IZUMO1: variants seen among roughly 807,000 people sequenced by gnomAD.
IZUMO1 encodes the protein izumo sperm-egg fusion protein 1.
Under a neutral mutation model 40.7 loss-of-function variants are expected in IZUMO1, and 44 were observed. The ratio of observed to expected loss-of-function variants is 1.08; its 90% confidence interval spans 0.85 to 1.39. The LOEUF (loss-of-function observed/expected upper bound fraction) is 1.39, where lower values mean the gene tolerates loss of function less well. Ranked by LOEUF, IZUMO1 falls within the 40% of genes most tolerant of loss-of-function variation. The probability of loss-of-function intolerance (pLI) is 0.00; values close to 1 mark genes in which losing one functional copy is unlikely to be tolerated. For missense variants in IZUMO1, 368 were observed against 436.9 expected, an observed-to-expected ratio of 0.84 and a Z score of 1.41; for synonymous variants, 149 against 170.9, an observed-to-expected ratio of 0.87 and a Z score of 1.00.
Position 48,742,102 on chromosome 19 carries a change from T to C in IZUMO1, c.600+107A>G, listed in dbSNP as rs2033720179. On this transcript the variant is annotated intron_variant, in intron 7 of 9. Coordinates refer to ENST00000332955, the MANE Select transcript of IZUMO1 (RefSeq NM_182575.3). ...AGAGGTCTGTAGAGACCACACCTAA[T>C]AGACCACCCTCCTGGGTCATGAGAA... 6.1e-6 allele frequency: 9 copies of C among 1,473,792 alleles called. No homozygotes were observed. The South Asian group carries it at 8.5e-5, about 14-fold the overall frequency. 91.3% of individuals were successfully genotyped at this position (1,473,792 alleles called of 1,614,324 possible).
In IZUMO1 at chr19:48,741,167, G is replaced by T; in HGVS notation, c.932+134C>A. 1 of 1,446,830 alleles carries T rather than the reference G, an allele frequency of 6.9e-7. No individual in the cohort carries two copies. Among genetic ancestry groups the T allele is most frequent in the Non-Finnish European group, 9.3e-7 (1 of 1,072,368 alleles). The allele number at this position is 1,446,830 out of a possible 1,614,324, so 89.6% of individuals were successfully genotyped here. A position where few individuals can be genotyped will look rare whatever the true frequency, so the allele number is the denominator to read the frequency against. On this transcript the variant is annotated intron_variant, in intron 9 of 9. Transcript: ENST00000332955. The surrounding 1 kb of genome is among the most constrained non-coding windows in gnomAD (Gnocchi z 4.4). Reference sequence around the variant, plus strand: ...CGCCCTTCGAAGTCCTCCTATTCAAGCCCCCCGCACTCCATCCCCAGGAAA... The same window carrying T: ...CGCCCTTCGAAGTCCTCCTATTCAATCCCCCCGCACTCCATCCCCAGGAAA...
At chr19:48,746,213 G>T (rs906113119) in intron 1 of IZUMO1, 1 of 1,083,790 alleles carries the variant, frequency 9.2e-7, no homozygotes, top group Non-Finnish European at 1.1e-6. Flanking sequence ...AACCCCATGC[G>T]CCCCTTCCCA....
Position 48,741,764 on chromosome 19 carries a change from C to A in IZUMO1, c.754+25G>T, listed in dbSNP as rs1192378961. ...GCTTTCCTGGGCCCTGAATCCTACA[C>A]TTCTCTCAGCCCCACAGCACTGACC... On this transcript the variant is annotated intron_variant, in intron 8 of 9. Transcript: ENST00000332955. This position sits in a 1 kb window ranked among gnomAD's most constrained non-coding sequence, Gnocchi z 4.4. 6.5e-7 allele frequency: 1 copy of A among 1,534,448 alleles called. No individual in the cohort carries two copies. The highest frequency in any genetic ancestry group is 1.3e-5 in the South Asian group (1 of 79,828).
At chr19:48,744,364 C>A (rs2033814276) in intron 4 of IZUMO1, 89 bp downstream of exon 4, 1 of 1,261,894 alleles carries the variant, frequency 7.9e-7, no homozygotes, top group Non-Finnish European at 1.2e-6. Context: ...AGCTGAGGAA[C>A]TGGGCTTGGA....
rs1306394358 is a variant in IZUMO1, at chr19:48,741,949, C to A, written c.601-7G>T. 17 of 1,589,370 alleles carry A rather than the reference C, an allele frequency of 1.1e-5. No individual in the cohort carries two copies. Among genetic ancestry groups the A allele is most frequent in the Non-Finnish European group, 1.4e-5 (16 of 1,164,852 alleles). ...CCGTATTGTTCCCCCAAACCTAGAC[C>A]CAAGCTCAAGGGGTCACTGAGGCCT... On this transcript the variant is annotated splice_region_variant and splice_polypyrimidine_tract_variant and intron_variant, in intron 7 of 9. Coordinates refer to ENST00000332955, the MANE Select transcript of IZUMO1 (RefSeq NM_182575.3). This position sits in a 1 kb window ranked among gnomAD's most constrained non-coding sequence, Gnocchi z 4.4.
At position 48,741,805 on chromosome 19, in the gene IZUMO1, G is replaced by C. The variant is rs1275468688; in HGVS notation, c.738C>G (p.Ile246Met). 19 of 1,591,500 alleles carry C rather than the reference G, an allele frequency of 1.2e-5. No individual in the cohort carries two copies. Among genetic ancestry groups the C allele is most frequent in the Non-Finnish European group, 1.5e-5 (18 of 1,164,476 alleles). ...AGCACTGACCTGTGACGTGAAAATT[G>C]ATGATCGTGGCTGGGCTGGAATTCA... The part of the protein sequence containing the change: ...GSVNSSPATI[I>M]NFHVTVLPKM... The change falls in exon 8 of 10, where the codon ATC (isoleucine) becomes ATG (methionine). Residue 246 changes from isoleucine (I) to methionine (M), a missense_variant. Physicochemically the swap from Ile to Met is conservative, Grantham distance 10. Transcript: ENST00000332955. The surrounding 1 kb of genome is among the most constrained non-coding windows in gnomAD (Gnocchi z 4.4).
intron 6 of IZUMO1, 73 bp from the exon 7 acceptor site, chr19:48,742,382 C>G (rs967684205): frequency 1.9e-6 from 2 of 1,055,186 alleles, no homozygotes; most frequent in African/African-American, 3.1e-5. Flanking sequence ...GAGACTCGCT[C>G]TGTCGCCCAG....
At chr19:48,742,400 T>C in intron 6 of IZUMO1, 91 bp from the exon 7 acceptor site, 2 of 888,298 alleles carry the variant, frequency 2.3e-6, no homozygotes, top group Non-Finnish European at 3.7e-6. Context: ...CAGGCTGGAA[T>C]GCATTGGCGC....
chr19:48,742,373 A>G (rs1599756944), intron 6 of IZUMO1, 64 bp from the exon 7 acceptor site: 1 of 1,140,948 alleles, frequency 8.8e-7, no homozygotes, highest in East Asian at 2.4e-5. Flanking sequence ...TTTGAGATGG[A>G]GACTCGCTCT....
At position 48,741,762 on chromosome 19, in the gene IZUMO1, C is replaced by T; in HGVS notation, c.754+27G>A. On this transcript the variant is annotated intron_variant, in intron 8 of 9. Transcript: ENST00000332955. This position sits in a 1 kb window ranked among gnomAD's most constrained non-coding sequence, Gnocchi z 4.4. ...CAGCTTTCCTGGGCCCTGAATCCTA[C>T]ACTTCTCTCAGCCCCACAGCACTGA... 9 of 1,533,078 alleles carry T rather than the reference C, an allele frequency of 5.9e-6. No homozygotes were observed. The highest frequency in any genetic ancestry group is 7.9e-6 in the Non-Finnish European group (9 of 1,136,152). 95.0% of individuals were successfully genotyped at this position (1,533,078 alleles called of 1,614,324 possible).
chr19:48,742,617 C>T (rs954367358), intron 6 of IZUMO1, among the ~76,000 whole-genome samples: 3 of 151,534 alleles, frequency 2.0e-5, no homozygotes, highest in Non-Finnish European at 2.9e-5. Context: ...CAAAGTGCTG[C>T]GATTACAGGC....
Position 48,742,267 on chromosome 19 carries a change from T to C in IZUMO1, c.542A>G (p.Asp181Gly). 6.2e-7 allele frequency: 1 copy of C among 1,614,184 alleles called. No individual in the cohort carries two copies. The highest frequency in any genetic ancestry group is 8.5e-7 in the Non-Finnish European group (1 of 1,180,004). The change falls in exon 7 of 10, where the codon GAC becomes GGC. Residue 181 changes from aspartate (D) to glycine (G), a missense_variant. Physicochemically the swap from Asp to Gly is moderately conservative, Grantham distance 94. Coordinates refer to ENST00000332955, the MANE Select transcript of IZUMO1 (RefSeq NM_182575.3). ...EVPQMEDMIL[D>G]CELNWHQASE... is the part of the protein sequence containing the mutation. The stretch of plus-strand genomic sequence containing the variant: ...AGCCTGATGCCAGTTTAACTCACAG[T>C]CCAGGATCATGTCTTCCATTTGAGG...
chr19:48,746,778 G>GGGGACGATTGT lies in IZUMO1; in HGVS notation c.-418_-417insACAATCGTCCC. ...AGGATTGTGTTGGGGACGAGGGTAA[G>GGGGACGATTGT]GTTGGTTGCGTGAAATCGAGAGCTT... On this transcript the variant is annotated 5_prime_UTR_variant, in exon 1 of 10. Transcript: ENST00000332955. 1 of 985,450 alleles carries GGGGACGATTGT rather than the reference G, an allele frequency of 1.0e-6. No individual in the cohort carries two copies. The highest frequency in any genetic ancestry group is 1.1e-4 in the East Asian group (1 of 8,868). 61.0% of individuals were successfully genotyped at this position (985,450 alleles called of 1,614,324 possible). A position where few individuals can be genotyped will look rare whatever the true frequency, so the allele number is the denominator to read the frequency against.
rs772755461 is a variant in IZUMO1, at chr19:48,741,896, G to A, written c.647C>T (p.Ala216Val). 34 of 1,611,786 alleles carry A rather than the reference G, an allele frequency of 2.1e-5. No individual in the cohort carries two copies. The highest frequency in any genetic ancestry group is 2.9e-5 in the Non-Finnish European group (34 of 1,178,228). ...ACCCACCATGGGCTTGGTCAGGGTG[G>A]CCTCTTTCCCCTTGGACACCAAGGT... is the stretch of plus-strand genomic sequence containing the variant. ...TETLVSKGKE[A>V]TLTKPMVGPE... The change falls in exon 8 of 10, where the codon GCC becomes GTC. Residue 216 changes from alanine (A) to valine (V), a missense_variant. Ala to Val is a moderately conservative substitution (Grantham distance 64). Coordinates refer to ENST00000332955, the MANE Select transcript of IZUMO1 (RefSeq NM_182575.3). This position sits in a 1 kb window ranked among gnomAD's most constrained non-coding sequence, Gnocchi z 4.4.
chr19:48,741,150 G>A lies in IZUMO1; in HGVS notation c.933-122C>T, dbSNP rs1444481855. The A allele has an allele frequency of 6.7e-7, 1 of 1,493,806 alleles. No individual in the cohort carries two copies. Among genetic ancestry groups the A allele is most frequent in the Non-Finnish European group, 9.1e-7 (1 of 1,102,442 alleles). The allele number at this position is 1,493,806 out of a possible 1,614,324, so 92.5% of individuals were successfully genotyped here. On this transcript the variant is annotated intron_variant, in intron 9 of 9. Coordinates refer to ENST00000332955, the MANE Select transcript of IZUMO1 (RefSeq NM_182575.3). The surrounding 1 kb of genome is among the most constrained non-coding windows in gnomAD (Gnocchi z 4.4). ...AGCAATTACCTAAGCCTCGCCCTTC[G>A]AAGTCCTCCTATTCAAGCCCCCCGC... is the stretch of plus-strand genomic sequence containing the variant.
Position 48,741,255 on chromosome 19 carries a change from G to A in IZUMO1, c.932+46C>T, listed in dbSNP as rs1387306361. ...TCTGTGTTGGGTTCCTGGAAGCCCC[G>A]CCCCTTACTCCAAGCCAAGCCTGTC... On this transcript the variant is annotated intron_variant, in intron 9 of 9. Transcript: ENST00000332955. The surrounding 1 kb of genome is among the most constrained non-coding windows in gnomAD (Gnocchi z 4.4). 1.3e-6 allele frequency: 2 copies of A among 1,524,456 alleles called. No individual in the cohort carries two copies. Among genetic ancestry groups the A allele is most frequent in the Admixed American group, 2.0e-5 (1 of 49,600 alleles). The allele number at this position is 1,524,456 out of a possible 1,614,324, so 94.4% of individuals were successfully genotyped here.
Position 48,745,838 on chromosome 19 carries a change from G to A in IZUMO1, c.22C>T (p.Leu8=). The A allele has an allele frequency of 6.2e-7, 1 of 1,614,174 alleles. No individual in the cohort carries two copies. Among genetic ancestry groups the A allele is most frequent in the Non-Finnish European group, 8.5e-7 (1 of 1,180,046 alleles). ...AAGCAACCGGCCAGCGCCGCACACA[G>A]GAGGGTAAAATGCGGCCCCATTGCA... is the stretch of plus-strand genomic sequence containing the variant. The part of the protein sequence containing the change: MGPHFTL[L]CAALAGCLLP... The change falls in exon 2 of 10, where the codon CTG becomes TTG. Residue 8 remains leucine, a synonymous_variant. Coordinates refer to ENST00000332955, the MANE Select transcript of IZUMO1 (RefSeq NM_182575.3).
Position 48,743,731 on chromosome 19 carries a change from T to G in IZUMO1, c.419-206A>C, listed in dbSNP as rs2033793422. On this transcript the variant is annotated intron_variant, in intron 5 of 9. Coordinates refer to ENST00000332955, the MANE Select transcript of IZUMO1 (RefSeq NM_182575.3). The stretch of plus-strand genomic sequence containing the variant: ...GTAGAGGCCGGATGCGGTGGCTTAC[T>G]CCTGTAATCCCAGCACTTTGGGAGG... 3 of 585,834 alleles carry G rather than the reference T, an allele frequency of 5.1e-6. No homozygotes were observed. The East Asian group carries it at 8.7e-5, about 17-fold the overall frequency. 36.3% of individuals were successfully genotyped at this position (585,834 alleles called of 1,614,324 possible).
rs778180069 is a variant in IZUMO1, at chr19:48,741,492, C to A, written c.755-14G>T. Reference sequence around the variant, plus strand: ...TTTTGGGCAACACTGTTAGAGAAAGCGTAAAGAGCAGTCCTGGCAGGGCGT... The same window carrying A: ...TTTTGGGCAACACTGTTAGAGAAAGAGTAAAGAGCAGTCCTGGCAGGGCGT... On this transcript the variant is annotated splice_polypyrimidine_tract_variant and intron_variant, in intron 8 of 9. Coordinates refer to ENST00000332955, the MANE Select transcript of IZUMO1 (RefSeq NM_182575.3). The surrounding 1 kb of genome is among the most constrained non-coding windows in gnomAD (Gnocchi z 4.4). The A allele has an allele frequency of 3.8e-6, 6 of 1,595,240 alleles. No homozygotes were observed. The highest frequency in any genetic ancestry group is 1.8e-4 in the Middle Eastern group (1 of 5,644).
Sources: allele counts gnomAD v4.1 joint callset (sites outside exome capture counted in the v4.1 genomes callset), GRCh38; gene constraint gnomAD v4.1.1; non-coding constraint Gnocchi (gnomAD v3.1); transcripts MANE v1.5; gene names NCBI Gene and HGNC (gene_info 2026-07-23, HGNC 2026-07-21).